The following SCCPDH variants were observed in gnomAD, a reference collection of about 807,000 sequenced individuals.
SCCPDH encodes saccharopine dehydrogenase-like oxidoreductase.
Under a neutral mutation model 51.5 loss-of-function variants are expected in SCCPDH, and 34 were observed. That is an observed-to-expected ratio of 0.66 (90% confidence interval 0.50 to 0.88). SCCPDH has a LOEUF of 0.88. Among genes scored for constraint, SCCPDH ranks in the 40% least tolerant of loss-of-function variants. SCCPDH has a pLI of 0.00. For synonymous variants in SCCPDH, 187 were observed against 191.3 expected (o/e 0.98, Z 0.19); for missense variants, 464 against 527.1 (o/e 0.88, Z 1.17).
At chr1:246,727,368 AT>A (rs1201668591) in intron 2 of SCCPDH, among the ~76,000 whole-genome samples, 2 of 151,864 alleles carry the variant, frequency 1.3e-5, no homozygotes, top group Non-Finnish European at 2.9e-5. Flanking sequence ...GGGTAAATAT[AT>A]TTTTTAAATG....
intron 5 of SCCPDH, among the ~76,000 whole-genome samples, chr1:246,756,506 A>G (rs1221466308): frequency 6.6e-6 from 1 of 152,204 alleles, no homozygotes; most frequent in East Asian, 1.9e-4. Context: ...ATAGTTTTTT[A>G]AATTGAATGT....
chr1:246,742,277 C>G (rs910771908), intron 4 of SCCPDH, among the ~76,000 whole-genome samples: 6 of 152,216 alleles, frequency 3.9e-5, no homozygotes, highest in Non-Finnish European at 7.4e-5. Context: ...TAGAAGTTTT[C>G]TTCATGATAA....
chr1:246,761,901 A>G (rs764005008), intron 9 of SCCPDH, among the ~76,000 whole-genome samples: 1 of 152,218 alleles, frequency 6.6e-6, no homozygotes, highest in Admixed American at 6.5e-5. Flanking sequence ...TCTTTTGGGC[A>G]TATACTCAGA....
At chr1:246,735,843 T>A in intron 2 of SCCPDH, 132 bp from the exon 3 acceptor site, 1 of 608,166 alleles carries the variant, frequency 1.6e-6, no homozygotes, top group Non-Finnish European at 2.8e-6. Flanking sequence ...CTTTCTGAAT[T>A]TATCTTTAGG....
Position 246,760,056 on chromosome 1 carries a change from G to A in SCCPDH, c.913G>A (p.Gly305Arg). The A allele has an allele frequency of 6.2e-7, 1 of 1,612,500 alleles. No individual in the cohort carries two copies. The highest frequency in any genetic ancestry group is 8.5e-7 in the Non-Finnish European group (1 of 1,179,284). The change falls in exon 8 of 12, where the codon GGA (glycine) becomes AGA (arginine). Residue 305 changes from glycine to arginine, a missense_variant. Transcript: ENST00000366510. ...TTTGTTCTTTGTGAGGTTTGGAATT[G>A]GAAGGCAACTTCTCATAAAAGTAAG... ...FFLFFVRFGIGRQLLIKFPWF... is the reference protein window; with the variant it reads ...FFLFFVRFGIRRQLLIKFPWF...
intron 2 of SCCPDH, among the ~76,000 whole-genome samples, chr1:246,732,984 C>A (rs1668514006): frequency 1.3e-5 from 2 of 152,216 alleles, no homozygotes; most frequent in Admixed American, 6.5e-5. Context: ...TGCTGTTCAG[C>A]CATTTGCTCA....
At chr1:246,729,415 T>C (rs927439934) in intron 2 of SCCPDH, among the ~76,000 whole-genome samples, 3 of 150,056 alleles carry the variant, frequency 2.0e-5, no homozygotes, top group Non-Finnish European at 4.5e-5. Context: ...GACCTCCCCC[T>C]GGGAATGCAT....
intron 2 of SCCPDH, among the ~76,000 whole-genome samples, chr1:246,728,458 CA>C (rs1668435880): frequency 6.6e-6 from 1 of 152,142 alleles, no homozygotes. Context: ...TTCACCTGAA[CA>C]TGAGTAACAC....
At chr1:246,749,324 T>A (rs557942404) in intron 5 of SCCPDH, among the ~76,000 whole-genome samples, 1 of 152,336 alleles carries the variant, frequency 6.6e-6, no homozygotes, top group South Asian at 2.1e-4. Flanking sequence ...TCAATTGCTG[T>A]AGTTTGTTTT....
intron 5 of SCCPDH, among the ~76,000 whole-genome samples, chr1:246,748,171 G>A (rs185938328): frequency 1.3e-5 from 2 of 152,202 alleles, no homozygotes; most frequent in East Asian, 3.9e-4. Context: ...GGAGGTTTTA[G>A]TTAGTGCTGC....
intron 4 of SCCPDH, among the ~76,000 whole-genome samples, chr1:246,741,537 A>G (rs2102984122): frequency 6.6e-6 from 1 of 152,030 alleles, no homozygotes; most frequent in Non-Finnish European, 1.5e-5. Flanking sequence ...GCCTCAGGTG[A>G]TCCTCCCACC....
intron 2 of SCCPDH, among the ~76,000 whole-genome samples, chr1:246,731,103 C>T (rs1438269156): frequency 3.3e-5 from 5 of 152,234 alleles, no homozygotes; most frequent in South Asian, 4.1e-4. Context: ...AGCAGGATTG[C>T]GGTTCTGACC....
intron 3 of SCCPDH, among the ~76,000 whole-genome samples, chr1:246,738,987 TTGTA>T (rs562784074): frequency 1.2e-3 from 185 of 152,260 alleles, no homozygotes; most frequent in Non-Finnish European, 1.9e-3. Flanking sequence ...GTTAATGTGT[TTGTA>T]TGTGTGTGAC....
At chr1:246,763,201 T>C (rs527784778) in intron 9 of SCCPDH, among the ~76,000 whole-genome samples, 1 of 152,190 alleles carries the variant, frequency 6.6e-6, no homozygotes, top group Non-Finnish European at 1.5e-5. Flanking sequence ...GAGGCCATCC[T>C]AGACCCTTCA....
intron 2 of SCCPDH, among the ~76,000 whole-genome samples, chr1:246,733,445 T>TAA (rs926272857): frequency 2.0e-5 from 3 of 150,642 alleles, no homozygotes; most frequent in African/African-American, 7.3e-5. Flanking sequence ...TATATATATA[T>TAA]AATAAGTATA....
intron 9 of SCCPDH, among the ~76,000 whole-genome samples, chr1:246,762,351 T>C (rs1669028719): frequency 6.6e-6 from 1 of 152,202 alleles, no homozygotes; most frequent in Non-Finnish European, 1.5e-5. Flanking sequence ...TGCAGGCTTC[T>C]GTCTCGTGGT....
intron 5 of SCCPDH, among the ~76,000 whole-genome samples, chr1:246,754,421 G>A (rs1319903354): frequency 4.6e-5 from 7 of 152,184 alleles, no homozygotes; most frequent in Non-Finnish European, 8.8e-5. Flanking sequence ...AATCCCGGGC[G>A]GGCCCCCAAA....
At chr1:246,760,502 C>T (rs1021046964) in intron 9 of SCCPDH, among the ~76,000 whole-genome samples, 18 of 152,168 alleles carry the variant, frequency 1.2e-4, no homozygotes, top group Non-Finnish European at 2.4e-4. Flanking sequence ...AGCCATTTAG[C>T]TCCAGAAATT....
At chr1:246,749,103 G>A (rs1001607580) in intron 5 of SCCPDH, among the ~76,000 whole-genome samples, 7 of 152,208 alleles carry the variant, frequency 4.6e-5, no homozygotes, top group African/African-American at 1.4e-4. Context: ...CAGTGAAAGA[G>A]TCTTGCATGA....
Sources: allele counts gnomAD v4.1 joint callset (sites outside exome capture counted in the v4.1 genomes callset), GRCh38; gene constraint gnomAD v4.1.1; transcripts MANE v1.5; gene names NCBI Gene and HGNC (gene_info 2026-07-23, HGNC 2026-07-21).